The following CLNK variants were observed in gnomAD, a reference collection of about 807,000 sequenced individuals.
CLNK encodes cytokine-dependent hematopoietic cell linker.
A neutral mutation model predicts 68.6 loss-of-function variants in CLNK; 74 were observed. That is an observed-to-expected ratio of 1.08 (90% CI 0.89 to 1.31). The LOEUF (loss-of-function observed/expected upper bound fraction) is 1.31, where lower values mean the gene tolerates loss of function less well. Among genes scored for constraint, CLNK ranks in the 50% most tolerant of loss-of-function variants. The probability of loss-of-function intolerance (pLI) is 0.00; values close to 1 mark genes in which losing one functional copy is unlikely to be tolerated. For missense variants in CLNK, 553 were observed against 515.3 expected (o/e 1.07, Z -0.71); for synonymous variants, 198 against 172.2 (o/e 1.15, Z -1.17).
chr4:10,539,932 A>G (rs569855714), intron 11 of CLNK, among the ~76,000 whole-genome samples: 7 of 152,336 alleles, frequency 4.6e-5, no homozygotes, highest in African/African-American at 1.4e-4. Flanking sequence ...CAAGTGAGCA[A>G]TTCTTTCAAT....
At chr4:10,695,048 TG>T in the CLNK span, among the ~76,000 whole-genome samples, 1 of 152,148 alleles carries the variant, frequency 6.6e-6, no homozygotes, top group South Asian at 2.1e-4. Context: ...AGGAGTGGAC[TG>T]GGAAAGGGGA....
rs910770533 is a variant in CLNK, at chr4:10,583,404, A to C, written c.112+1523T>G. On this transcript the variant is annotated intron_variant, in intron 4 of 18. Transcript: ENST00000226951. ...CGGGTTCAAGTGACTGTCCTGCCTC[A>C]GCCTCCCAAGTAGCTGGGACTACAG... Among the ~76,000 whole-genome samples the C allele has an allele frequency of 2.3e-4, 35 of 152,180 alleles. 1 individual carries two copies. Among genetic ancestry groups the C allele is most frequent in the African/African-American group, 7.9e-4 (33 of 41,522 alleles).
intron 2 of CLNK, among the ~76,000 whole-genome samples, chr4:10,631,904 C>T (rs1439160876): frequency 6.6e-6 from 1 of 152,076 alleles, no homozygotes; most frequent in Admixed American, 6.6e-5. Flanking sequence ...TCAAATATGT[C>T]TTTTTTTGAG....
intron 4 of CLNK, among the ~76,000 whole-genome samples, chr4:10,583,727 T>C (rs1720872116): frequency 6.6e-6 from 1 of 152,350 alleles, no homozygotes; most frequent in East Asian, 1.9e-4. Context: ...ATTTGTTTTC[T>C]TTTTCCTGCT....
intron 4 of CLNK, among the ~76,000 whole-genome samples, chr4:10,577,930 A>G (rs1168676653): frequency 6.6e-6 from 1 of 152,168 alleles, no homozygotes; most frequent in Non-Finnish European, 1.5e-5. Flanking sequence ...GGCAACATGT[A>G]TTTCATGGGA....
At chr4:10,707,538 C>A in the CLNK span, among the ~76,000 whole-genome samples, 666 of 152,312 alleles carry the variant, frequency 4.4e-3, 10 homozygotes, top group Middle Eastern at 6.8e-3. Flanking sequence ...CCAATGTATA[C>A]CTTCCATGTA....
At chr4:10,509,682 TG>T (rs1717481597) in intron 16 of CLNK, among the ~76,000 whole-genome samples, 1 of 152,068 alleles carries the variant, frequency 6.6e-6, no homozygotes, top group South Asian at 2.1e-4. Context: ...GTGGCCACCA[TG>T]CCCGGCTAAT....
intron 8 of CLNK, among the ~76,000 whole-genome samples, chr4:10,543,749 T>C (rs1240511001): frequency 6.6e-6 from 1 of 152,232 alleles, no homozygotes; most frequent in Non-Finnish European, 1.5e-5. Flanking sequence ...AGAATAAAAT[T>C]ACCATTCTTC....
intron 8 of CLNK, among the ~76,000 whole-genome samples, chr4:10,552,634 A>G (rs1021704562): frequency 2.0e-5 from 3 of 151,798 alleles, no homozygotes; most frequent in Non-Finnish European, 4.4e-5. Flanking sequence ...CTCCACCCCA[A>G]TCAATCAGCA....
At chr4:10,494,799 A>G (rs561006004) in intron 18 of CLNK, among the ~76,000 whole-genome samples, 10 of 152,286 alleles carry the variant, frequency 6.6e-5, no homozygotes, top group African/African-American at 2.4e-4. Context: ...TGGGGTCAAA[A>G]TTGAAATATT....
chr4:10,490,436 C>T lies in CLNK; in HGVS notation c.*31G>A, dbSNP rs781268501. 6.2e-7 allele frequency: 1 copy of T among 1,604,280 alleles called. No individual in the cohort carries two copies. The highest frequency in any genetic ancestry group is 1.3e-5 in the African/African-American group (1 of 74,490). On this transcript the variant is annotated 3_prime_UTR_variant, in exon 19 of 19. Transcript: ENST00000226951. ...AATGAAAACAATGGAAGCGCTGAAT[C>T]CAGTAAACCAAAGATAACACAAAGA...
intron 2 of CLNK, among the ~76,000 whole-genome samples, chr4:10,614,772 C>CA (rs1722163733): frequency 6.6e-6 from 1 of 152,176 alleles, no homozygotes; most frequent in African/African-American, 2.4e-5. Context: ...TTGTAAGGAT[C>CA]AAAAAATCAA....
intron 2 of CLNK, among the ~76,000 whole-genome samples, chr4:10,605,250 G>A (rs1363946558): frequency 3.3e-5 from 5 of 151,874 alleles, no homozygotes; most frequent in South Asian, 2.1e-4. Flanking sequence ...CTCTCTCTAC[G>A]GATACATATG....
intron 2 of CLNK, among the ~76,000 whole-genome samples, chr4:10,609,904 A>T (rs1721941627): frequency 6.6e-6 from 1 of 152,146 alleles, no homozygotes; most frequent in Non-Finnish European, 1.5e-5. Flanking sequence ...CCAGATGCTG[A>T]GAGAGAGAAG....
At chr4:10,708,816 A>G in the CLNK span, among the ~76,000 whole-genome samples, 1 of 152,220 alleles carries the variant, frequency 6.6e-6, no homozygotes, top group South Asian at 2.1e-4. Context: ...AAGAGCCTTC[A>G]TTCATAGCAT....
At chr4:10,715,451 T>C in the CLNK span, among the ~76,000 whole-genome samples, 1 of 152,216 alleles carries the variant, frequency 6.6e-6, no homozygotes, top group African/African-American at 2.4e-5. Context: ...AAAATATGGA[T>C]AATAGTCTTT....
At chr4:10,558,475 A>G (rs1183766458) in intron 7 of CLNK, 23 bp from the exon 8 acceptor site, 2 of 1,611,048 alleles carry the variant, frequency 1.2e-6, no homozygotes, top group South Asian at 1.1e-5. Context: ...ATGAGGCACC[A>G]TTATCTCTTC....
the CLNK span, among the ~76,000 whole-genome samples, chr4:10,710,387 G>T: frequency 6.8e-3 from 1,033 of 152,280 alleles, 7 homozygotes; most frequent in African/African-American, 0.017. Context: ...AAAAAAAGTG[G>T]ACTAAGTAAA....
At chr4:10,490,921 C>T (rs1057493290) in intron 18 of CLNK, among the ~76,000 whole-genome samples, 26 of 97,816 alleles carry the variant, frequency 2.7e-4, no homozygotes, top group African/African-American at 7.4e-4. Context: ...TGCGCCACCA[C>T]GCCCAGCTAA....
Sources: gnomAD v4.1 joint callset for allele counts (sites outside exome capture counted in the v4.1 genomes callset) on GRCh38, gnomAD v4.1.1 for gene constraint, MANE v1.5 for transcripts, NCBI Gene and HGNC (gene_info 2026-07-23, HGNC 2026-07-21) for gene names.